DGKK: variants seen among roughly 807,000 people sequenced by gnomAD.
DGKK encodes the protein 142 kDa diacylglycerol kinase.
A neutral mutation model predicts 92.2 loss-of-function variants in DGKK; 35 were observed. That is an observed-to-expected ratio of 0.38 (90% CI 0.29 to 0.50). The LOEUF is 0.50. DGKK is among the 20% of genes least tolerant of loss of function. The pLI is 0.92. For synonymous variants in DGKK, 368 were observed against 360.6 expected, an observed-to-expected ratio of 1.02 and a Z score of -0.23; for missense variants, 910 against 992.2, an observed-to-expected ratio of 0.92 and a Z score of 1.11.
At chrX:50,447,009 A>G (rs1429422204) in intron 1 of DGKK, among the ~76,000 whole-genome samples, 2 of 108,442 alleles carry the variant, frequency 1.8e-5, no homozygotes, top group African/African-American at 6.7e-5. Context: ...GATGGAATTC[A>G]TAGAACCATA....
intron 25 of DGKK, among the ~76,000 whole-genome samples, chrX:50,372,821 G>A (rs1206963010): frequency 8.9e-6 from 1 of 111,960 alleles, no homozygotes; most frequent in Non-Finnish European, 1.9e-5. Context: ...GATATCTTCA[G>A]CCCTCACATG....
At position 50,401,159 on chromosome X, in the gene DGKK, G is replaced by A. The variant is rs1557226592; in HGVS notation, c.1309-20C>T. ...ATGCACCTGAAACGACAAGAGAAGA[G>A]CAGAGAAAAAAAAGGAGGGGGAGAG... is the stretch of plus-strand genomic sequence containing the variant. On this transcript the variant is annotated intron_variant, in intron 7 of 27. Transcript: ENST00000611977. 2 of 1,156,207 alleles carry A rather than the reference G, an allele frequency of 1.7e-6. No homozygotes were observed. Among genetic ancestry groups the A allele is most frequent in the Non-Finnish European group, 2.3e-6 (2 of 856,687 alleles).
At chrX:50,459,707 G>C (rs1198025843) in intron 1 of DGKK, among the ~76,000 whole-genome samples, 3 of 111,417 alleles carry the variant, frequency 2.7e-5, no homozygotes, top group African/African-American at 9.8e-5. Context: ...GTCAAAGAGA[G>C]TTAAGTAGTT....
intron 2 of DGKK, among the ~76,000 whole-genome samples, chrX:50,423,447 T>C: frequency 8.9e-6 from 1 of 111,957 alleles, no homozygotes; most frequent in Non-Finnish European, 1.9e-5. Flanking sequence ...AAAAAGACAA[T>C]GGTTTCTAAG....
At chrX:50,425,609 G>T (rs939404731) in intron 1 of DGKK, among the ~76,000 whole-genome samples, 1 of 110,836 alleles carries the variant, frequency 9.0e-6, no homozygotes. Flanking sequence ...TAACCAATTG[G>T]ATAGTACTAG....
At chrX:50,406,266 A>C (rs1318254157) in intron 4 of DGKK, among the ~76,000 whole-genome samples, 7 of 112,039 alleles carry the variant, frequency 6.2e-5, no homozygotes, top group African/African-American at 1.9e-4. Context: ...TAGGTTCAGC[A>C]GTTGAGGTGA....
At chrX:50,429,452 G>T (rs909909340) in intron 1 of DGKK, among the ~76,000 whole-genome samples, 1 of 111,926 alleles carries the variant, frequency 8.9e-6, no homozygotes, top group Admixed American at 9.4e-5. Flanking sequence ...TTGGGAGGCC[G>T]AGGCGGGCGG....
chrX:50,430,420 A>C (rs914748719), intron 1 of DGKK, among the ~76,000 whole-genome samples: 3 of 112,192 alleles, frequency 2.7e-5, no homozygotes, highest in Non-Finnish European at 5.6e-5. Context: ...TCTATTAGAC[A>C]TTAAAACCCA....
chrX:50,380,066 T>C lies in DGKK; in HGVS notation c.2669A>G (p.Lys890Arg). 8.3e-7 allele frequency: 1 copy of C among 1,208,576 alleles called. No homozygotes were observed. Among genetic ancestry groups the C allele is most frequent in the African/African-American group, 1.7e-5 (1 of 57,782 alleles). Residue 890 changes from lysine to arginine, a missense_variant, in exon 19 of 28, where the codon AAG (lysine) becomes AGG (arginine). Physicochemically the swap from Lys to Arg is conservative, Grantham distance 26 (BLOSUM62 2). Coordinates refer to ENST00000611977, the MANE Select transcript of DGKK (RefSeq NM_001013742.4). ...EHPGQYNSRL[K>R]NKMWYGLLGT... Reference sequence around the variant, plus strand: ...CAGAAGGCCATACCACATCTTGTTCTTAAGGCGGCTACTACATGGAGGTAA... The same window carrying C: ...CAGAAGGCCATACCACATCTTGTTCCTAAGGCGGCTACTACATGGAGGTAA...
At chrX:50,375,127 A>G in intron 24 of DGKK, 70 bp from the exon 25 acceptor site, 1 of 846,839 alleles carries the variant, frequency 1.2e-6, no homozygotes, top group East Asian at 3.3e-5. Context: ...GTAAGCATGC[A>G]GCTGTCTTCT....
At chrX:50,465,670 A>G (rs1309622325) in intron 1 of DGKK, among the ~76,000 whole-genome samples, 1 of 110,942 alleles carries the variant, frequency 9.0e-6, no homozygotes, top group Non-Finnish European at 1.9e-5. Flanking sequence ...TCAGAAGTGG[A>G]GCAGCAACCA....
At chrX:50,371,035 C>G (rs1924110140) in intron 26 of DGKK, among the ~76,000 whole-genome samples, 1 of 112,632 alleles carries the variant, frequency 8.9e-6, no homozygotes, top group Non-Finnish European at 1.9e-5. Context: ...CCTTGCCTGC[C>G]AGGCCAGCTG....
chrX:50,415,376 A>C, intron 4 of DGKK, among the ~76,000 whole-genome samples: 1 of 111,969 alleles, frequency 8.9e-6, no homozygotes, highest in Non-Finnish European at 1.9e-5. Context: ...CACAAAGTAC[A>C]ATATCTCCCA....
rs781912485 is a variant in DGKK, at chrX:50,436,600, C to T, written c.646-12242G>A. Among the ~76,000 whole-genome samples, 5 of 112,017 alleles carry T rather than the reference C, an allele frequency of 4.5e-5. No individual in the cohort carries two copies. The East Asian group carries it at 1.4e-3, about 32-fold the overall frequency. ...TTGTTTTTGTTTTTAATTTTAAATG[C>T]TAAAGTAATTAAAGTAATAATTATT... On this transcript the variant is annotated intron_variant, in intron 1 of 27. Transcript: ENST00000611977.
chrX:50,389,165 T>C (rs1167389836), intron 12 of DGKK, among the ~76,000 whole-genome samples: 1 of 112,428 alleles, frequency 8.9e-6, no homozygotes, highest in Non-Finnish European at 1.9e-5. Flanking sequence ...TGATAAATTG[T>C]AGAGCCAGGA....
intron 4 of DGKK, among the ~76,000 whole-genome samples, chrX:50,419,064 G>A (rs1472819750): frequency 9.0e-6 from 1 of 111,379 alleles, no homozygotes; most frequent in Non-Finnish European, 1.9e-5. Flanking sequence ...GTACCATAGT[G>A]GCCTCATTGA....
intron 8 of DGKK, among the ~76,000 whole-genome samples, chrX:50,394,754 G>T (rs1557225922): frequency 1.8e-5 from 2 of 111,262 alleles, no homozygotes; most frequent in Non-Finnish European, 3.8e-5. Context: ...CCATAACAAA[G>T]AATTATAAAA....
chrX:50,378,554 A>C, intron 21 of DGKK, 24 bp downstream of exon 21: 1 of 1,159,154 alleles, frequency 8.6e-7, no homozygotes, highest in Non-Finnish European at 1.2e-6. Flanking sequence ...GCCCCTTCCC[A>C]GTGCCCACCC....
At chrX:50,396,979 C>T (rs1480929120) in intron 8 of DGKK, among the ~76,000 whole-genome samples, 2 of 111,846 alleles carry the variant, frequency 1.8e-5, no homozygotes, top group East Asian at 5.6e-4. Flanking sequence ...TACTTAATGA[C>T]AGAATCAAGA....
Sources: allele counts gnomAD v4.1 joint callset (sites outside exome capture counted in the v4.1 genomes callset), GRCh38; gene constraint gnomAD v4.1.1; transcripts MANE v1.5; gene names NCBI Gene and HGNC (gene_info 2026-07-23, HGNC 2026-07-21).